The following ZIK1 variants were observed in gnomAD, a reference collection of about 807,000 sequenced individuals.
The protein encoded by ZIK1 is zinc finger protein interacting with K protein 1, also known as zinc finger protein interacting with ribonucleoprotein K.
ZIK1 carries 12 observed loss-of-function variants against 10.7 expected under a neutral mutation model. The ratio of observed to expected loss-of-function variants is 1.12; its 90% CI spans 0.72 to 1.81. ZIK1 has a LOEUF of 1.81. ZIK1 is among the 40% of genes most tolerant of loss of function. The probability of loss-of-function intolerance (pLI) is 0.00; values close to 1 mark genes in which losing one functional copy is unlikely to be tolerated. For synonymous variants in ZIK1, 190 were observed against 205.0 expected, an observed-to-expected ratio of 0.93 and a Z score of 0.63; for missense variants, 497 against 585.7, an observed-to-expected ratio of 0.85 and a Z score of 1.56.
intron 1 of ZIK1, chr19:57,584,720 T>C: frequency 8.7e-7 from 1 of 1,148,210 alleles, no homozygotes; most frequent in Non-Finnish European, 1.2e-6. Flanking sequence ...AAAAACCTCA[T>C]GGAGTTAGAC....
chr19:57,591,092 A>T lies in ZIK1; in HGVS notation c.1281A>T (p.Arg427Ser). The T allele has an allele frequency of 8.1e-6, 13 of 1,614,086 alleles. No homozygotes were observed. The highest frequency in any genetic ancestry group is 1.1e-5 in the Non-Finnish European group (13 of 1,180,002). Residue 427 changes from arginine to serine, a missense_variant, in exon 4 of 4, where the codon AGA (arginine) becomes AGT (serine). Transcript: ENST00000597850. ...GCTCCATCCTTATTCAACACCGGAG[A>T]ATTCATACTGGAGCAAGGCCTTATG... ...SQSSILIQHR[R>S]IHTGARPYEC...
rs539425701 is a variant in ZIK1 at position 57,590,376 on chromosome 19, C to T, written c.565C>T (p.Pro189Ser). The change falls in exon 4 of 4, where the codon CCT becomes TCT. Residue 189 changes from proline to serine, a missense_variant. Transcript: ENST00000597850. ...GCGGCTTCTGAGGTCCCTGGTCTTT[C>T]CTGGAGGCAAGAAACCCGGCACAAT... ...MLRLLRSLVF[P>S]GGKKPGTITE... The T allele has an allele frequency of 1.9e-6, 3 of 1,614,150 alleles. No individual in the cohort carries two copies. Among genetic ancestry groups the T allele is most frequent in the South Asian group, 2.2e-5 (2 of 91,082 alleles).
intron 2 of ZIK1, among the ~76,000 whole-genome samples, chr19:57,586,194 C>G (rs1350334254): frequency 1.3e-5 from 2 of 152,042 alleles, no homozygotes; most frequent in African/African-American, 4.8e-5. Flanking sequence ...AGGTGGTGGC[C>G]AGTGTTTGGC....
rs534815255 is a variant in ZIK1, at chr19:57,584,333, G to C, written c.-24G>C. The C allele has an allele frequency of 6.3e-7, 1 of 1,581,488 alleles. No homozygotes were observed. Among genetic ancestry groups the C allele is most frequent in the African/African-American group, 1.3e-5 (1 of 74,344 alleles). ...CTCCGCCCGTAGCTGTCGGGTCCCGGCCCCGCTCTGCCCACAGACTCCGAT... is the reference window on the plus strand; with the variant it reads ...CTCCGCCCGTAGCTGTCGGGTCCCGCCCCCGCTCTGCCCACAGACTCCGAT... On this transcript the variant is annotated 5_prime_UTR_variant, in exon 1 of 4. Coordinates refer to ENST00000597850, the MANE Select transcript of ZIK1 (RefSeq NM_001010879.4).
In ZIK1 at chr19:57,593,199, G is replaced by GCCCGGC. The variant is rs1979849571; in HGVS notation, c.*1927_*1928insGGCCCC. On this transcript the variant is annotated 3_prime_UTR_variant, in exon 4 of 4. Coordinates refer to ENST00000597850, the MANE Select transcript of ZIK1 (RefSeq NM_001010879.4). ...TAGGACTACAGGCATGCACTACCAC[G>GCCCGGC]CCCAACTAATTTTTGTATTTTTAGT... 7.9e-6 allele frequency: 1 copy of GCCCGGC among 126,406 alleles called. No homozygotes were observed. The highest frequency in any genetic ancestry group is 1.7e-5 in the Non-Finnish European group (1 of 59,110). 7.8% of individuals were successfully genotyped at this position (126,406 alleles called of 1,614,324 possible).
At chr19:57,585,166 T>C (rs1448905043) in intron 2 of ZIK1, among the ~76,000 whole-genome samples, 176 bp downstream of exon 2, 4 of 152,122 alleles carry the variant, frequency 2.6e-5, no homozygotes, top group Non-Finnish European at 5.9e-5. Context: ...TGGCAGACAA[T>C]GGAATGAGGT....
chr19:57,585,677 C>T (rs1025006232), intron 2 of ZIK1, among the ~76,000 whole-genome samples: 3 of 152,110 alleles, frequency 2.0e-5, no homozygotes, highest in Non-Finnish European at 4.4e-5. Context: ...CATCAAATAG[C>T]ATGTTATAGG....
At chr19:57,589,174 G>T (rs1214378325) in intron 3 of ZIK1, 2 of 733,236 alleles carry the variant, frequency 2.7e-6, no homozygotes, top group African/African-American at 3.8e-5. Context: ...TGTCTTTCTG[G>T]TAGGACTTGG....
Position 57,584,280 on chromosome 19 carries a change from G to A in ZIK1, c.-77G>A. On this transcript the variant is annotated 5_prime_UTR_variant, in exon 1 of 4. Coordinates refer to ENST00000597850, the MANE Select transcript of ZIK1 (RefSeq NM_001010879.4). ...AGTGGGGGTTCTAAGGGTCGGCGGC[G>A]GCGGGGTTGACGGCTTTGCCTAGGT... 6.6e-7 allele frequency: 1 copy of A among 1,523,920 alleles called. No homozygotes were observed. The highest frequency in any genetic ancestry group is 8.8e-7 in the Non-Finnish European group (1 of 1,133,070). The allele number at this position is 1,523,920 out of a possible 1,614,324, so 94.4% of individuals were successfully genotyped here.
chr19:57,585,576 C>G (rs1345917303), intron 2 of ZIK1, among the ~76,000 whole-genome samples: 1 of 152,144 alleles, frequency 6.6e-6, no homozygotes, highest in Non-Finnish European at 1.5e-5. Flanking sequence ...TTAATTAGGC[C>G]TGCTTGCATT....
rs535500250 is a variant in ZIK1, at chr19:57,584,248, G to A, written c.-109G>A. 77 of 1,474,214 alleles carry A rather than the reference G, an allele frequency of 5.2e-5. No individual in the cohort carries two copies. In the Middle Eastern group the frequency reaches 7.0e-4, roughly 13 times the overall value. The allele number at this position is 1,474,214 out of a possible 1,614,324, so 91.3% of individuals were successfully genotyped here. ...AAGGCGCGAGGGGAGGGGTCCTCCC[G>A]CTGAACAGTGGGGGTTCTAAGGGTC... On this transcript the variant is annotated 5_prime_UTR_variant, in exon 1 of 4. Transcript: ENST00000597850.
intron 2 of ZIK1, 80 bp downstream of exon 2, chr19:57,585,070 A>G: frequency 1.4e-6 from 2 of 1,444,354 alleles, no homozygotes; most frequent in Non-Finnish European, 1.9e-6. Flanking sequence ...GCCACCATCC[A>G]GTTCTTTGAC....
At position 57,590,636 on chromosome 19, in the gene ZIK1, C is replaced by T. The variant is rs999853546; in HGVS notation, c.825C>T (p.Phe275=). 1.2e-6 allele frequency: 2 copies of T among 1,614,058 alleles called. No individual in the cohort carries two copies. The highest frequency in any genetic ancestry group is 2.7e-5 in the African/African-American group (2 of 74,930). ...GGGAGTGCAATGAATGTGGAAAATT[C>T]TTTAGCCAAACCTCCCACCTGAATG... ...RPWECNECGK[F]FSQTSHLNDH... is the part of the protein sequence containing the mutation. The change falls in exon 4 of 4, where the codon TTC becomes TTT. Residue 275 remains phenylalanine, a synonymous_variant. Transcript: ENST00000597850.
In ZIK1 at chr19:57,590,631, A is replaced by AAAT. The variant is rs1227751212; in HGVS notation, c.821_823dup (p.Lys274_Phe275insTer). 11 of 1,614,208 alleles carry AAAT rather than the reference A, an allele frequency of 6.8e-6. No homozygotes were observed. The highest frequency in any genetic ancestry group is 8.5e-6 in the Non-Finnish European group (10 of 1,180,026). On this transcript the variant is annotated stop_gained and inframe_insertion, in exon 4 of 4. Coordinates refer to ENST00000597850, the MANE Select transcript of ZIK1 (RefSeq NM_001010879.4). LOFTEE classifies it low-confidence loss of function (END_TRUNC). ...GCCTTGGGAGTGCAATGAATGTGGA[A>AAAT]AATTCTTTAGCCAAACCTCCCACCT... is the stretch of plus-strand genomic sequence containing the variant.
rs1979498482 is a variant in ZIK1 at position 57,589,890 on chromosome 19, GC to G, written c.200-116del. 2.4e-6 allele frequency: 3 copies of G among 1,255,214 alleles called. No individual in the cohort carries two copies. The African/African-American group carries it at 4.5e-5, about 19-fold the overall frequency. The allele number at this position is 1,255,214 out of a possible 1,614,324, so 77.8% of individuals were successfully genotyped here. ...TGCAAAGCAACCCCTTCCTCAACTT[GC>G]CCCCAGCTCCATTATCCTCAAAACA... On this transcript the variant is annotated intron_variant, in intron 3 of 3. Transcript: ENST00000597850.
intron 3 of ZIK1, among the ~76,000 whole-genome samples, chr19:57,588,932 C>G (rs1159392218): frequency 6.6e-6 from 1 of 151,906 alleles, no homozygotes; most frequent in Non-Finnish European, 1.5e-5. Flanking sequence ...ATCCATGACA[C>G]CTTGTGTCCC....
chr19:57,591,020 A>T lies in ZIK1; in HGVS notation c.1209A>T (p.Gly403=). The change falls in exon 4 of 4, where the codon GGA becomes GGT. Residue 403 remains glycine (G), a synonymous_variant. Coordinates refer to ENST00000597850, the MANE Select transcript of ZIK1 (RefSeq NM_001010879.4). ...TTAAACACCAGAGAGTTCACACTGG[A>T]GAAAGGCCTTATAAGTGTGGTGACT... is the stretch of plus-strand genomic sequence containing the variant. The part of the protein sequence containing the change: ...TLIKHQRVHT[G]ERPYKCGDCG... The T allele has an allele frequency of 6.2e-7, 1 of 1,614,194 alleles. No individual in the cohort carries two copies. Among genetic ancestry groups the T allele is most frequent in the Non-Finnish European group, 8.5e-7 (1 of 1,180,030 alleles).
At position 57,591,087 on chromosome 19, in the gene ZIK1, C is replaced by A. The variant is rs149356470; in HGVS notation, c.1276C>A (p.Arg426=). 6.2e-7 allele frequency: 1 copy of A among 1,614,054 alleles called. No individual in the cohort carries two copies. The highest frequency in any genetic ancestry group is 1.1e-5 in the South Asian group (1 of 91,078). The change falls in exon 4 of 4, where the codon CGG becomes AGG. Residue 426 remains arginine (R), a synonymous_variant. Coordinates refer to ENST00000597850, the MANE Select transcript of ZIK1 (RefSeq NM_001010879.4). The part of the protein sequence containing the change: ...FSQSSILIQH[R]RIHTGARPYE... The stretch of plus-strand genomic sequence containing the variant: ...TCAAAGCTCCATCCTTATTCAACAC[C>A]GGAGAATTCATACTGGAGCAAGGCC...
At position 57,588,525 on chromosome 19, in the gene ZIK1, C is replaced by T. The variant is rs1979358953; in HGVS notation, c.73-14C>T. 6.8e-7 allele frequency: 1 copy of T among 1,469,610 alleles called. No individual in the cohort carries two copies. Among genetic ancestry groups the T allele is most frequent in the East Asian group, 2.5e-5 (1 of 40,196 alleles). 91.0% of individuals were successfully genotyped at this position (1,469,610 alleles called of 1,614,324 possible). A position where few individuals can be genotyped will look rare whatever the true frequency, so the allele number is the denominator to read the frequency against. ...AGGCGTTGATTGTGGAGTGACCTGTCCCCATCATGACAGGGCTGTGTGACC... is the reference window on the plus strand; with the variant it reads ...AGGCGTTGATTGTGGAGTGACCTGTTCCCATCATGACAGGGCTGTGTGACC... On this transcript the variant is annotated splice_polypyrimidine_tract_variant and intron_variant, in intron 2 of 3. Coordinates refer to ENST00000597850, the MANE Select transcript of ZIK1 (RefSeq NM_001010879.4).
Sources: allele counts gnomAD v4.1 joint callset (sites outside exome capture counted in the v4.1 genomes callset), GRCh38; gene constraint gnomAD v4.1.1; transcripts MANE v1.5; gene names NCBI Gene and HGNC (gene_info 2026-07-23, HGNC 2026-07-21).